CEP250: variants seen among roughly 807,000 people sequenced by gnomAD.
The protein encoded by CEP250 is centrosomal protein 250, also known as centrosome-associated protein CEP250.
In CEP250, 242 loss-of-function variants were observed where a neutral mutation model predicts 315.7. That is an observed-to-expected ratio of 0.77 (90% CI 0.69 to 0.85). The LOEUF is 0.85. Among genes scored for constraint, CEP250 ranks in the 40% least tolerant of loss-of-function variants. The pLI, the probability that CEP250 is intolerant of heterozygous loss-of-function variation, is 0.00. For missense variants in CEP250, 2,515 were observed against 2,886.4 expected (o/e 0.87, Z 2.95); for synonymous variants, 1,088 against 1,175.0 (o/e 0.93, Z 1.51).
chr20:35,484,192 T>G (rs2063438906), intron 20 of CEP250, among the ~76,000 whole-genome samples: 3 of 152,128 alleles, frequency 2.0e-5, no homozygotes, highest in Non-Finnish European at 4.4e-5. Context: ...CTTTTTTCTT[T>G]TTTTCTTTTT....
intron 17 of CEP250, among the ~76,000 whole-genome samples, 160 bp from the exon 18 acceptor site, chr20:35,479,071 G>T (rs2063261272): frequency 6.6e-6 from 1 of 152,194 alleles, no homozygotes; most frequent in Non-Finnish European, 1.5e-5. Context: ...TCTGTGGGCG[G>T]ATCAGGGAAA....
rs2063751977 is a variant in CEP250, at chr20:35,493,437, T to G, written c.2898T>G (p.Thr966=). 1 of 1,597,680 alleles carries G rather than the reference T, an allele frequency of 6.3e-7. No homozygotes were observed. The highest frequency in any genetic ancestry group is 1.4e-5 in the African/African-American group (1 of 73,980). Residue 966 remains threonine (T), a synonymous_variant, in exon 23 of 35, where the codon ACT becomes ACG. Transcript: ENST00000397527. ...KVQKLKEQET[T]GILQTQLQEA... is the part of the protein sequence containing the mutation. ...TTCTTATCCCTCTTCAGGAGACCACTGGGATACTACAGACCCAGCTCCAGG... is the reference window on the plus strand; with the variant it reads ...TTCTTATCCCTCTTCAGGAGACCACGGGGATACTACAGACCCAGCTCCAGG...
chr20:35,486,015 T>A (rs1359731426), intron 20 of CEP250, among the ~76,000 whole-genome samples: 2 of 150,032 alleles, frequency 1.3e-5, no homozygotes, highest in African/African-American at 2.5e-5. Context: ...TTGCATTGGG[T>A]GAAAGATAGT....
At chr20:35,487,530 G>C (rs1280412780) in intron 20 of CEP250, among the ~76,000 whole-genome samples, 1 of 152,106 alleles carries the variant, frequency 6.6e-6, no homozygotes, top group African/African-American at 2.4e-5. Flanking sequence ...TCCATCTACT[G>C]TCTGTCTCCC....
At chr20:35,478,613 C>T in intron 17 of CEP250, among the ~76,000 whole-genome samples, 1 of 152,176 alleles carries the variant, frequency 6.6e-6, no homozygotes, top group Non-Finnish European at 1.5e-5. Context: ...ATTCACACCA[C>T]CCAGTTTGAA....
chr20:35,479,512 G>A (rs1361330228), intron 18 of CEP250, 88 bp downstream of exon 18: 20 of 1,543,652 alleles, frequency 1.3e-5, no homozygotes, highest in Non-Finnish European at 1.7e-5. Context: ...AAGTATGCAG[G>A]TCCTAAATTG....
chr20:35,475,727 T>C (rs575906455), intron 15 of CEP250, 81 bp downstream of exon 15: 2 of 1,455,524 alleles, frequency 1.4e-6, no homozygotes, highest in African/African-American at 2.8e-5. Context: ...TTCTTCACCT[T>C]CAAGCCAGGA....
At chr20:35,464,348 G>T (rs182925204) in intron 5 of CEP250, among the ~76,000 whole-genome samples, 3 of 152,064 alleles carry the variant, frequency 2.0e-5, no homozygotes, top group Non-Finnish European at 4.4e-5. Flanking sequence ...TTACTCTGTC[G>T]CCCAGGCTGG....
intron 30 of CEP250, among the ~76,000 whole-genome samples, chr20:35,506,942 G>A (rs2064201728): frequency 1.3e-5 from 2 of 151,988 alleles, no homozygotes; most frequent in African/African-American, 4.8e-5. Flanking sequence ...CCATACTCTT[G>A]GGTTACTGAG....
intron 26 of CEP250, 119 bp from the exon 27 acceptor site, chr20:35,498,476 G>C: frequency 1.6e-6 from 2 of 1,248,864 alleles, no homozygotes; most frequent in Non-Finnish European, 2.2e-6. Flanking sequence ...GAACTGCTGA[G>C]AAAGGGGTTC....
chr20:35,488,621 A>G (rs573815589), intron 20 of CEP250, among the ~76,000 whole-genome samples: 1 of 151,912 alleles, frequency 6.6e-6, no homozygotes, highest in East Asian at 1.9e-4. Flanking sequence ...GAACCACCAC[A>G]CCTGACTAAT....
At position 35,502,914 on chromosome 20, in the gene CEP250, G is replaced by C. The variant is rs746434237; in HGVS notation, c.4545G>C (p.Lys1515Asn). 6 of 1,614,116 alleles carry C rather than the reference G, an allele frequency of 3.7e-6. No homozygotes were observed. The highest frequency in any genetic ancestry group is 5.1e-6 in the Non-Finnish European group (6 of 1,180,054). Residue 1515 changes from lysine (K) to asparagine (N), a missense_variant, in exon 30 of 35, where the codon AAG becomes AAC. Physicochemically the swap from Lys to Asn is moderately conservative, Grantham distance 94. Coordinates refer to ENST00000397527, the MANE Select transcript of CEP250 (RefSeq NM_007186.6). ...GGGAGCAGATCAGAGAGCTCGAGAAGGATCGGGAGACTCAGAGGAACGTCT... is the reference window on the plus strand; with the variant it reads ...GGGAGCAGATCAGAGAGCTCGAGAACGATCGGGAGACTCAGAGGAACGTCT... ...VQREQIRELE[K>N]DRETQRNVLE...
At chr20:35,483,492 A>G (rs1449795658) in intron 20 of CEP250, among the ~76,000 whole-genome samples, 1 of 151,648 alleles carries the variant, frequency 6.6e-6, no homozygotes, top group East Asian at 1.9e-4. Context: ...AACTGCAACT[A>G]CAGGCACATG....
intron 3 of CEP250, among the ~76,000 whole-genome samples, chr20:35,461,534 C>T (rs1275778560): frequency 6.6e-6 from 1 of 152,226 alleles, no homozygotes; most frequent in Non-Finnish European, 1.5e-5. Context: ...CATCCTGCTG[C>T]CACTGGTTCC....
In CEP250 at chr20:35,502,657, C is replaced by G; in HGVS notation, c.4288C>G (p.Leu1430Val). The change falls in exon 30 of 35, where the codon CTA becomes GTA. Residue 1430 changes from leucine to valine, a missense_variant. Transcript: ENST00000397527. Reference sequence around the variant, plus strand: ...GAATTTGGCCCTCCTGACCCAGACCCTAGCTGAAAGAGAAGAGGAGGTGGA... The same window carrying G: ...GAATTTGGCCCTCCTGACCCAGACCGTAGCTGAAAGAGAAGAGGAGGTGGA... ...QENLALLTQT[L>V]AEREEEVETL... is the part of the protein sequence containing the mutation. The G allele has an allele frequency of 1.2e-6, 2 of 1,614,258 alleles. No homozygotes were observed. Among genetic ancestry groups the G allele is most frequent in the Non-Finnish European group, 1.7e-6 (2 of 1,180,050 alleles).
chr20:35,479,343 G>A lies in CEP250; in HGVS notation c.2207G>A (p.Arg736Gln), dbSNP rs760732709. 3.7e-6 allele frequency: 6 copies of A among 1,614,094 alleles called. No homozygotes were observed. The highest frequency in any genetic ancestry group is 2.7e-5 in the African/African-American group (2 of 74,940). ...GTCCAGGAGAAGGAGGCCCTAGTAC[G>A]AGAGAAAGCGGCTCTAGAGGTGCGG... ...RAVQEKEALV[R>Q]EKAALEVRLQ... is the part of the protein sequence containing the mutation. Residue 736 changes from arginine (R) to glutamine (Q), a missense_variant, in exon 18 of 35, where the codon CGA becomes CAA. Coordinates refer to ENST00000397527, the MANE Select transcript of CEP250 (RefSeq NM_007186.6).
chr20:35,504,024 G>A lies in CEP250; in HGVS notation c.5655G>A (p.Leu1885=). The A allele has an allele frequency of 6.2e-7, 1 of 1,608,078 alleles. No homozygotes were observed. Among genetic ancestry groups the A allele is most frequent in the Non-Finnish European group, 8.5e-7 (1 of 1,176,598 alleles). ...TGGAGGGACGGCGGGTCCAGGCCCT[G>A]GAGGAGGTGCTGGGAGACCTAAGGG... ...LAVEGRRVQA[L]EEVLGDLRAE... is the part of the protein sequence containing the mutation. The change falls in exon 30 of 35, where the codon CTG becomes CTA. Residue 1885 remains leucine (L), a synonymous_variant. Coordinates refer to ENST00000397527, the MANE Select transcript of CEP250 (RefSeq NM_007186.6).
At chr20:35,462,169 G>A (rs2062771403) in intron 3 of CEP250, 96 bp from the exon 4 acceptor site, 1 of 473,048 alleles carries the variant, frequency 2.1e-6, no homozygotes, top group Admixed American at 3.5e-5. Context: ...GCCCTTCAGA[G>A]ATGAGGGTCC....
At chr20:35,457,485 T>A (rs561378258) in intron 1 of CEP250, among the ~76,000 whole-genome samples, 176 of 152,082 alleles carry the variant, frequency 1.2e-3, no homozygotes, top group Middle Eastern at 3.4e-3. Flanking sequence ...CACCTTAACT[T>A]CCCAAGTAGC....
Sources: allele counts gnomAD v4.1 joint callset (sites outside exome capture counted in the v4.1 genomes callset), GRCh38; gene constraint gnomAD v4.1.1; transcripts MANE v1.5; gene names NCBI Gene and HGNC (gene_info 2026-07-23, HGNC 2026-07-21).